CLIC5: variants seen among roughly 807,000 people sequenced by gnomAD.
CLIC5 encodes chloride intracellular channel protein 5.
Under a neutral mutation model 24.7 loss-of-function variants are expected in CLIC5, and 20 were observed. The observed-to-expected ratio is 0.81, with a 90% CI of 0.57 to 1.18. The LOEUF (loss-of-function observed/expected upper bound fraction) is 1.18, where lower values mean the gene tolerates loss of function less well. Ranked by LOEUF, CLIC5 falls within the 50% of genes most tolerant of loss-of-function variation. The pLI is 0.00. For synonymous variants in CLIC5, 159 were observed against 135.6 expected, an observed-to-expected ratio of 1.17 and a Z score of -1.20; for missense variants, 341 against 326.1, an observed-to-expected ratio of 1.05 and a Z score of -0.35.
chr6:45,983,334 C>T (rs1237523355), intron 1 of CLIC5, among the ~76,000 whole-genome samples: 1 of 152,100 alleles, frequency 6.6e-6, no homozygotes, highest in African/African-American at 2.4e-5. Context: ...ACAGAGCCAC[C>T]AAAGTGTCAT....
At chr6:46,123,743 T>C in the CLIC5 span, among the ~76,000 whole-genome samples, 1 of 152,164 alleles carries the variant, frequency 6.6e-6, no homozygotes, top group East Asian at 1.9e-4. Context: ...AGTCTCAGGA[T>C]ACAAAATCAA....
At chr6:45,937,730 T>C (rs1219092308) in intron 4 of CLIC5, 2 of 152,232 alleles carry the variant, frequency 1.3e-5, no homozygotes, top group Non-Finnish European at 2.9e-5. Context: ...AATGACTGAA[T>C]GTACAAACTA....
chr6:46,068,179 G>T (rs1186197579), intron 1 of CLIC5, among the ~76,000 whole-genome samples: 1 of 152,060 alleles, frequency 6.6e-6, no homozygotes, highest in Non-Finnish European at 1.5e-5. Context: ...GTACAAGAAA[G>T]AACTCTCCCC....
At chr6:46,085,905 AG>A in the CLIC5 span, among the ~76,000 whole-genome samples, 8 of 152,208 alleles carry the variant, frequency 5.3e-5, no homozygotes, top group Non-Finnish European at 1.2e-4. Context: ...ACCCAGTTCA[AG>A]TTTCCCGGCT....
chr6:46,092,584 G>A, the CLIC5 span, among the ~76,000 whole-genome samples: 6 of 149,814 alleles, frequency 4.0e-5, no homozygotes, highest in Middle Eastern at 6.8e-3. Flanking sequence ...AAGTAGTGGC[G>A]TATCTCTAAA....
At chr6:46,003,986 T>C (rs537155964) in intron 1 of CLIC5, among the ~76,000 whole-genome samples, 63 of 152,202 alleles carry the variant, frequency 4.1e-4, no homozygotes, top group Middle Eastern at 3.4e-3. Context: ...CCTCAAAGGA[T>C]AAGAGACCCA....
intron 4 of CLIC5, chr6:45,918,874 T>G: frequency 1.8e-4 from 154 of 846,378 alleles, no homozygotes; most frequent in Middle Eastern, 6.1e-4. Flanking sequence ...ATGAGGCTAT[T>G]GAGATGGAAA....
At chr6:46,079,031 T>C (rs1234720747) in intron 1 of CLIC5, among the ~76,000 whole-genome samples, 5 of 152,234 alleles carry the variant, frequency 3.3e-5, no homozygotes, top group Non-Finnish European at 7.3e-5. Flanking sequence ...CCTGCCATCT[T>C]GATTAATAAA....
intron 1 of CLIC5, among the ~76,000 whole-genome samples, chr6:45,979,601 A>T (rs777505431): frequency 6.6e-6 from 1 of 151,620 alleles, no homozygotes; most frequent in Non-Finnish European, 1.5e-5. Context: ...GTGAAAAATC[A>T]TTCTCCTTGA....
At chr6:45,970,310 A>AG (rs2127403110) in intron 1 of CLIC5, among the ~76,000 whole-genome samples, 1 of 151,558 alleles carries the variant, frequency 6.6e-6, no homozygotes, top group East Asian at 2.0e-4. Context: ...CAATTACAGA[A>AG]AAAACCAAGC....
At chr6:45,959,407 T>G (rs1343540856) in intron 1 of CLIC5, among the ~76,000 whole-genome samples, 6 of 152,212 alleles carry the variant, frequency 3.9e-5, no homozygotes, top group Admixed American at 6.5e-5. Flanking sequence ...AAACAAGAAA[T>G]TTAGTAAAAG....
At chr6:46,005,873 C>A (rs941217513) in intron 1 of CLIC5, among the ~76,000 whole-genome samples, 1 of 151,290 alleles carries the variant, frequency 6.6e-6, no homozygotes. Context: ...CTGATAGACT[C>A]CCCAGCCTCC....
chr6:46,076,389 A>G (rs1488626665), intron 1 of CLIC5, among the ~76,000 whole-genome samples: 2 of 152,236 alleles, frequency 1.3e-5, no homozygotes, highest in Non-Finnish European at 2.9e-5. Flanking sequence ...AGAATTTTAA[A>G]ATGAGGAGAT....
chr6:46,038,770 T>C (rs1157128313), intron 1 of CLIC5, among the ~76,000 whole-genome samples: 1 of 152,216 alleles, frequency 6.6e-6, no homozygotes, highest in Non-Finnish European at 1.5e-5. Context: ...GAAGATTTCC[T>C]AGTTTATACT....
intron 3 of CLIC5, among the ~76,000 whole-genome samples, chr6:45,943,875 C>T (rs1325890896): frequency 6.6e-6 from 1 of 152,118 alleles, no homozygotes; most frequent in Non-Finnish European, 1.5e-5. Context: ...GAGCTTTGTT[C>T]TTGTGGGAAG....
At chr6:46,116,343 T>TG in the CLIC5 span, among the ~76,000 whole-genome samples, 1 of 152,130 alleles carries the variant, frequency 6.6e-6, no homozygotes. Flanking sequence ...CTGTCAAAGT[T>TG]GGGGGGATGG....
chr6:46,093,073 T>A, the CLIC5 span, among the ~76,000 whole-genome samples: 1 of 152,162 alleles, frequency 6.6e-6, no homozygotes, highest in South Asian at 2.1e-4. Flanking sequence ...TCTTTCTTCC[T>A]TTTTCCTCCC....
intron 1 of CLIC5, among the ~76,000 whole-genome samples, chr6:46,059,960 G>C (rs761126418): frequency 6.6e-6 from 1 of 152,198 alleles, no homozygotes; most frequent in Non-Finnish European, 1.5e-5. Context: ...TTAGATTTAA[G>C]TCTTTAATCC....
At chr6:46,078,107 C>T (rs1412518726) in intron 1 of CLIC5, among the ~76,000 whole-genome samples, 1 of 152,142 alleles carries the variant, frequency 6.6e-6, no homozygotes, top group Non-Finnish European at 1.5e-5. Context: ...CGTCTGTAAT[C>T]CCAGCACTCT....
Sources: allele counts gnomAD v4.1 joint callset (sites outside exome capture counted in the v4.1 genomes callset), GRCh38; gene constraint gnomAD v4.1.1; transcripts MANE v1.5; gene names NCBI Gene and HGNC (gene_info 2026-07-23, HGNC 2026-07-21).